Variants in ITGAX observed in about 807,000 individuals in gnomAD.
The protein encoded by ITGAX is integrin subunit alpha X.
In ITGAX, 99 loss-of-function variants were observed where a neutral mutation model predicts 140.2. The ratio of observed to expected loss-of-function variants is 0.71; its 90% CI spans 0.60 to 0.83. The LOEUF is 0.83. ITGAX is among the 40% of genes least tolerant of loss of function. ITGAX has a pLI of 0.00. For missense variants in ITGAX, 1,444 were observed against 1,482.0 expected (o/e 0.97, Z 0.42); for synonymous variants, 631 against 600.4 (o/e 1.05, Z -0.75).
intron 14 of ITGAX, among the ~76,000 whole-genome samples, chr16:31,367,801 A>G (rs2080906742): frequency 1.3e-5 from 2 of 152,248 alleles, no homozygotes; most frequent in African/African-American, 4.8e-5. Context: ...TCATTATTTC[A>G]GAAATACATT....
In ITGAX at chr16:31,360,356, A is replaced by C; in HGVS notation, c.754A>C (p.Lys252Gln). The C allele has an allele frequency of 6.2e-7, 1 of 1,614,064 alleles. No individual in the cohort carries two copies. The highest frequency in any genetic ancestry group is 1.1e-5 in the South Asian group (1 of 91,078). The part of the protein sequence containing the change: ...ASYGARRDAA[K>Q]ILIVITDGKK... ...ATATGGGGCCCGTAGGGATGCCGCC[A>C]AAATTCTCATTGTCATCACTGATGG... is the stretch of plus-strand genomic sequence containing the variant. Residue 252 changes from lysine to glutamine, a missense_variant, in exon 8 of 30, where the codon AAA becomes CAA. Coordinates refer to ENST00000268296, the MANE Select transcript of ITGAX (RefSeq NM_000887.5).
At chr16:31,368,897 CAT>C (rs915777446) in intron 14 of ITGAX, among the ~76,000 whole-genome samples, 1 of 152,040 alleles carries the variant, frequency 6.6e-6, no homozygotes, top group African/African-American at 2.4e-5. Flanking sequence ...GGACACAGCA[CAT>C]GTTTCAGAGA....
chr16:31,380,080 G>C lies in ITGAX; in HGVS notation c.3060+15G>C. The C allele has an allele frequency of 6.2e-7, 1 of 1,611,040 alleles. No homozygotes were observed. The highest frequency in any genetic ancestry group is 8.5e-7 in the Non-Finnish European group (1 of 1,177,290). ...ATCCCGTGCTGGTGAGGAGGGCTCT[G>C]GGCTGGCCCTCACTGTAGGCCCCAC... is the stretch of plus-strand genomic sequence containing the variant. On this transcript the variant is annotated intron_variant, in intron 26 of 29. Transcript: ENST00000268296.
At chr16:31,357,665 A>C (rs2142480748) in intron 5 of ITGAX, 1 of 447,018 alleles carries the variant, frequency 2.2e-6, no homozygotes, top group African/African-American at 2.0e-5. Context: ...GGGTTAGCAC[A>C]GCAGCTAGCA....
At chr16:31,356,091 C>T in intron 2 of ITGAX, 93 bp downstream of exon 2, 1 of 868,334 alleles carries the variant, frequency 1.2e-6, no homozygotes, top group Non-Finnish European at 1.8e-6. Flanking sequence ...TTTGCAAACT[C>T]TCCTCTCTGT....
intron 14 of ITGAX, among the ~76,000 whole-genome samples, chr16:31,367,590 T>A (rs2080904886): frequency 6.6e-6 from 1 of 152,218 alleles, no homozygotes; most frequent in Non-Finnish European, 1.5e-5. Context: ...CATGCTTGAC[T>A]GAGTGTTTTA....
chr16:31,363,606 C>G (rs769822055), intron 14 of ITGAX, among the ~76,000 whole-genome samples: 1 of 150,628 alleles, frequency 6.6e-6, no homozygotes, highest in Non-Finnish European at 1.5e-5. Context: ...CCACCATGTC[C>G]GGTTATTTTT....
chr16:31,379,334 C>A (rs2081047002), intron 23 of ITGAX, among the ~76,000 whole-genome samples: 1 of 152,088 alleles, frequency 6.6e-6, no homozygotes, highest in African/African-American at 2.4e-5. Context: ...CCAGGGTGAT[C>A]TCGAACTCCT....
At chr16:31,373,179 C>CA in intron 19 of ITGAX, 70 bp from the exon 20 acceptor site, 1 of 1,147,154 alleles carries the variant, frequency 8.7e-7, no homozygotes, top group Non-Finnish European at 1.2e-6. Context: ...CCACCCACCC[C>CA]ATTTTATCCC....
At position 31,382,447 on chromosome 16, in the gene ITGAX, A is replaced by G; in HGVS notation, c.*540A>G. ...AAATACAGTTCTGAATATGCTGCTC[A>G]TCCCCACCTGTCTTCAACAGCTCCC... On this transcript the variant is annotated 3_prime_UTR_variant, in exon 30 of 30. Transcript: ENST00000268296. The G allele has an allele frequency of 1.3e-6, 2 of 1,535,522 alleles. No homozygotes were observed. Among genetic ancestry groups the G allele is most frequent in the South Asian group, 2.4e-5 (2 of 84,044 alleles).
At chr16:31,359,403 A>C (rs2080796589) in intron 5 of ITGAX, among the ~76,000 whole-genome samples, 1 of 152,070 alleles carries the variant, frequency 6.6e-6, no homozygotes, top group South Asian at 2.1e-4. Flanking sequence ...TGACCTCGTG[A>C]TCCGCCCCCC....
Position 31,355,923 on chromosome 16 carries a change from A to G in ITGAX, c.68A>G (p.Asp23Gly). ...GCAACTTCTCTAGGTTTCAACTTGGACACAGAGGAGCTGACAGCCTTCCGT... is the reference window on the plus strand; with the variant it reads ...GCAACTTCTCTAGGTTTCAACTTGGGCACAGAGGAGCTGACAGCCTTCCGT... The part of the protein sequence containing the change: ...ALATSLGFNL[D>G]TEELTAFRVD... The change falls in exon 2 of 30, where the codon GAC (aspartate) becomes GGC (glycine). Residue 23 changes from aspartate (D) to glycine (G), a missense_variant. Transcript: ENST00000268296. 1 of 1,613,760 alleles carries G rather than the reference A, an allele frequency of 6.2e-7. No homozygotes were observed.
At position 31,382,267 on chromosome 16, in the gene ITGAX, AC is replaced by A; in HGVS notation, c.*361del. On this transcript the variant is annotated 3_prime_UTR_variant, in exon 30 of 30. Coordinates refer to ENST00000268296, the MANE Select transcript of ITGAX (RefSeq NM_000887.5). Reference sequence around the variant, plus strand: ...TTCTTTTCTTTTTTTTTTTTTTGAGACGGAGTCTCGCTCTGTCACCCAGGCT... The same window carrying A: ...TTCTTTTCTTTTTTTTTTTTTTGAGAGGAGTCTCGCTCTGTCACCCAGGCT... 1 of 827,898 alleles carries A rather than the reference AC, an allele frequency of 1.2e-6. No homozygotes were observed. The highest frequency in any genetic ancestry group is 1.5e-6 in the Non-Finnish European group (1 of 678,636). 51.3% of individuals were successfully genotyped at this position (827,898 alleles called of 1,614,324 possible).
chr16:31,364,266 T>A (rs574557737), intron 14 of ITGAX, among the ~76,000 whole-genome samples: 3 of 150,776 alleles, frequency 2.0e-5, no homozygotes, highest in South Asian at 2.1e-4. Flanking sequence ...CTAGAAAAAA[T>A]TTTAAAAATT....
intron 14 of ITGAX, among the ~76,000 whole-genome samples, chr16:31,366,695 T>A (rs760536365): frequency 1.2e-4 from 18 of 152,188 alleles, no homozygotes; most frequent in Non-Finnish European, 2.5e-4. Context: ...TTTGTGTTTT[T>A]AGTAGAGATG....
chr16:31,373,193 C>A, intron 19 of ITGAX, 56 bp from the exon 20 acceptor site: 3 of 1,297,374 alleles, frequency 2.3e-6, no homozygotes, highest in Non-Finnish European at 3.2e-6. Flanking sequence ...TTATCCCAGA[C>A]CATTTCTAGC....
chr16:31,375,754 G>T (rs191317834), intron 20 of ITGAX, among the ~76,000 whole-genome samples: 1 of 152,210 alleles, frequency 6.6e-6, no homozygotes, highest in Non-Finnish European at 1.5e-5. Flanking sequence ...CAGCGGAAGC[G>T]CATTTTGATT....
chr16:31,362,935 A>G lies in ITGAX; in HGVS notation c.1360A>G (p.Ile454Val), dbSNP rs75318258. Residue 454 changes from isoleucine (I) to valine (V), a missense_variant and splice_region_variant, in exon 13 of 30, where the codon ATC becomes GTC. Transcript: ENST00000268296. Reference protein sequence around the residue: ...RMKAEVTGTQIGSYFGASLCS... With the variant: ...RMKAEVTGTQVGSYFGASLCS... ...GCATGACCCAGGCTCTGCCCTTCAG[A>G]TCGGCTCCTACTTCGGGGCCTCCCT... 2 of 1,611,670 alleles carry G rather than the reference A, an allele frequency of 1.2e-6. No individual in the cohort carries two copies. Among genetic ancestry groups the G allele is most frequent in the African/African-American group, 1.3e-5 (1 of 74,906 alleles).
chr16:31,361,904 AC>A lies in ITGAX; in HGVS notation c.1082del (p.Thr361AsnfsTer26). On this transcript the variant is annotated frameshift_variant, in exon 10 of 30. Transcript: ENST00000268296. LOFTEE classifies it high-confidence loss of function. ...ACAGGAGGGCTTCAGCGCTGTGTTC[AC>A]ACCTGTGAGTGGGGCCCCTTAGGCC... is the stretch of plus-strand genomic sequence containing the variant. ...MAQEGFSAVF[T>X]PDGPVLGAVG... 1 of 1,614,034 alleles carries A rather than the reference AC, an allele frequency of 6.2e-7. No individual in the cohort carries two copies. The highest frequency in any genetic ancestry group is 1.3e-5 in the African/African-American group (1 of 75,036).
Sources: allele counts gnomAD v4.1 joint callset (sites outside exome capture counted in the v4.1 genomes callset), GRCh38; gene constraint gnomAD v4.1.1; transcripts MANE v1.5; gene names NCBI Gene and HGNC (gene_info 2026-07-23, HGNC 2026-07-21).